ARHGAP31: variants seen among roughly 807,000 people sequenced by gnomAD.
The protein encoded by ARHGAP31 is rho GTPase-activating protein 31.
Under a neutral mutation model 113.9 loss-of-function variants are expected in ARHGAP31, and 34 were observed. The ratio of observed to expected loss-of-function variants is 0.30; its 90% CI spans 0.23 to 0.40. ARHGAP31 has a LOEUF of 0.40. Among genes scored for constraint, ARHGAP31 ranks in the 10% least tolerant of loss-of-function variants. The probability of loss-of-function intolerance (pLI) is 1.00; values close to 1 mark genes in which losing one functional copy is unlikely to be tolerated. For synonymous variants in ARHGAP31, 650 were observed against 684.8 expected, an observed-to-expected ratio of 0.95 and a Z score of 0.79; for missense variants, 1,548 against 1,767.1, an observed-to-expected ratio of 0.88 and a Z score of 2.22.
intron 1 of ARHGAP31, among the ~76,000 whole-genome samples, chr3:119,351,505 C>A (rs2080110438): frequency 6.6e-6 from 1 of 152,120 alleles, no homozygotes; most frequent in Non-Finnish European, 1.5e-5. Flanking sequence ...AGAATGTTAG[C>A]TTCCCATCTG....
intron 3 of ARHGAP31, among the ~76,000 whole-genome samples, chr3:119,375,931 A>G (rs1300349466): frequency 2.0e-5 from 3 of 152,142 alleles, no homozygotes; most frequent in Admixed American, 2.0e-4. Flanking sequence ...AACTCACTGT[A>G]ACTTCAAACT....
rs1216808214 is a variant in ARHGAP31, at chr3:119,323,624, C to T, written c.100+28620C>T. Among the ~76,000 whole-genome samples the T allele has an allele frequency of 3.3e-5, 5 of 152,066 alleles. No homozygotes were observed. In the East Asian group the frequency reaches 9.6e-4, roughly 29 times the overall value. Reference sequence around the variant, plus strand: ...TTGCCTCACCTGACATACTGTCTCACCTGAGAGAGGGAGGCCGAAGAGGCA... The same window carrying T: ...TTGCCTCACCTGACATACTGTCTCATCTGAGAGAGGGAGGCCGAAGAGGCA... On this transcript the variant is annotated intron_variant, in intron 1 of 11. Coordinates refer to ENST00000264245, the MANE Select transcript of ARHGAP31 (RefSeq NM_020754.4).
chr3:119,294,849 C>A lies in ARHGAP31; in HGVS notation c.-56C>A, dbSNP rs1163093478. 2.7e-6 allele frequency: 4 copies of A among 1,508,410 alleles called. No homozygotes were observed. Among genetic ancestry groups the A allele is most frequent in the East Asian group, 2.3e-5 (1 of 44,348 alleles). The allele number at this position is 1,508,410 out of a possible 1,614,324, so 93.4% of individuals were successfully genotyped here. A position where few individuals can be genotyped will look rare whatever the true frequency, so the allele number is the denominator to read the frequency against. ...TCTAGCCCGGGAGCCCATCTTACAGCGGTGCCAAGCAGAGGGGCGGCAGAG... is the reference window on the plus strand; with the variant it reads ...TCTAGCCCGGGAGCCCATCTTACAGAGGTGCCAAGCAGAGGGGCGGCAGAG... On this transcript the variant is annotated 5_prime_UTR_variant, in exon 1 of 12. Transcript: ENST00000264245.
intron 1 of ARHGAP31, chr3:119,322,598 C>A: frequency 6.5e-6 from 1 of 153,388 alleles, no homozygotes. Context: ...TGCCACCTCC[C>A]ACCTCAGCCT....
At position 119,344,045 on chromosome 3, in the gene ARHGAP31, C is replaced by T. The variant is rs575980079; in HGVS notation, c.101-21271C>T. 1.6e-4 allele frequency among the ~76,000 whole-genome samples: 20 copies of T among 125,196 alleles called. No individual in the cohort carries two copies. In the South Asian group the frequency reaches 4.7e-3, roughly 29 times the overall value. The allele number at this position is 125,196 out of a possible 152,430, so 82.1% of individuals were successfully genotyped here. A position where few individuals can be genotyped will look rare whatever the true frequency, so the allele number is the denominator to read the frequency against. ...ACTGAGAGGGAGCACTGCTGCTGGC[C>T]GGGGGCGCAAAGAGTGGGAAAGGAA... is the stretch of plus-strand genomic sequence containing the variant. On this transcript the variant is annotated intron_variant, in intron 1 of 11. Transcript: ENST00000264245.
chr3:119,381,007 A>G (rs1393644129), intron 4 of ARHGAP31, 21 bp downstream of exon 4: 2 of 1,602,586 alleles, frequency 1.2e-6, no homozygotes, highest in African/African-American at 2.7e-5. Context: ...TTGGGAAAAG[A>G]AACGTGTGGC....
intron 1 of ARHGAP31, among the ~76,000 whole-genome samples, chr3:119,301,251 G>A (rs1462985752): frequency 6.6e-6 from 1 of 152,204 alleles, no homozygotes; most frequent in Non-Finnish European, 1.5e-5. Flanking sequence ...CCGCCATCCA[G>A]ATGCCTTCCA....
At chr3:119,393,143 C>A (rs1403638881) in intron 7 of ARHGAP31, among the ~76,000 whole-genome samples, 1 of 152,076 alleles carries the variant, frequency 6.6e-6, no homozygotes, top group East Asian at 1.9e-4. Flanking sequence ...ATCAGAATTC[C>A]CAGAATTGTG....
At chr3:119,316,056 C>G (rs1372959511) in intron 1 of ARHGAP31, among the ~76,000 whole-genome samples, 1 of 152,200 alleles carries the variant, frequency 6.6e-6, no homozygotes, top group African/African-American at 2.4e-5. Context: ...GCCTTTACTA[C>G]TACCTCCCTA....
chr3:119,294,497 T>C lies in ARHGAP31; in HGVS notation c.-408T>C, dbSNP rs2079514348. On this transcript the variant is annotated 5_prime_UTR_variant, in exon 1 of 12. Coordinates refer to ENST00000264245, the MANE Select transcript of ARHGAP31 (RefSeq NM_020754.4). Reference sequence around the variant, plus strand: ...GGACCCACCGCAGCCCCCTGGGCAGTCTCCTCGCCCCGCGTCCGCGTCGTC... The same window carrying C: ...GGACCCACCGCAGCCCCCTGGGCAGCCTCCTCGCCCCGCGTCCGCGTCGTC... 4.4e-6 allele frequency: 2 copies of C among 452,428 alleles called. No homozygotes were observed. The highest frequency in any genetic ancestry group is 7.6e-6 in the Non-Finnish European group (2 of 262,836). The allele number at this position is 452,428 out of a possible 1,614,324, so 28.0% of individuals were successfully genotyped here.
chr3:119,363,860 C>T (rs2080231046), intron 1 of ARHGAP31, among the ~76,000 whole-genome samples: 1 of 152,170 alleles, frequency 6.6e-6, no homozygotes, highest in South Asian at 2.1e-4. Flanking sequence ...TCCCACATCA[C>T]TGTGGCAGCC....
intron 1 of ARHGAP31, among the ~76,000 whole-genome samples, chr3:119,301,234 G>T (rs7627301): frequency 2.0e-5 from 3 of 152,182 alleles, no homozygotes; most frequent in South Asian, 2.1e-4. Flanking sequence ...CTTTCTACCC[G>T]CACTGGCCGC....
intron 9 of ARHGAP31, among the ~76,000 whole-genome samples, chr3:119,401,505 A>G (rs1398752400): frequency 1.3e-5 from 2 of 152,186 alleles, no homozygotes; most frequent in Admixed American, 6.5e-5. Flanking sequence ...TTTAATGCCT[A>G]GTAGATGATG....
chr3:119,368,962 G>A (rs76418845), intron 3 of ARHGAP31, among the ~76,000 whole-genome samples: 2,614 of 152,238 alleles, frequency 0.017, 47 homozygotes, highest in East Asian at 0.061. Flanking sequence ...AGAGAGGGGA[G>A]AGGGAACAAA....
At chr3:119,334,424 T>A (rs954684370) in intron 1 of ARHGAP31, among the ~76,000 whole-genome samples, 1 of 152,222 alleles carries the variant, frequency 6.6e-6, no homozygotes, top group African/African-American at 2.4e-5. Flanking sequence ...ATAGTAGCTC[T>A]CAGCTCCCTG....
chr3:119,368,813 G>GTA (rs2080271735), intron 3 of ARHGAP31, among the ~76,000 whole-genome samples: 1 of 152,208 alleles, frequency 6.6e-6, no homozygotes, highest in South Asian at 2.1e-4. Context: ...AACCCCAGAA[G>GTA]TAAAGTGTCT....
rs1268907017 is a variant in ARHGAP31, at chr3:119,382,325, T to C, written c.465T>C (p.His155=). 12 of 1,614,012 alleles carry C rather than the reference T, an allele frequency of 7.4e-6. No individual in the cohort carries two copies. The highest frequency in any genetic ancestry group is 2.2e-5 in the East Asian group (1 of 44,888). The change falls in exon 5 of 12, where the codon CAT becomes CAC. Residue 155 remains histidine, a synonymous_variant. Coordinates refer to ENST00000264245, the MANE Select transcript of ARHGAP31 (RefSeq NM_020754.4). ...AATACCTGATTCGACACCTGGCCCATATCGCCTCCTTCAGCAGCAAGACCA... is the reference window on the plus strand; with the variant it reads ...AATACCTGATTCGACACCTGGCCCACATCGCCTCCTTCAGCAGCAAGACCA... The part of the protein sequence containing the change: ...TLEYLIRHLA[H]IASFSSKTNM...
chr3:119,377,060 C>A (rs990416180), intron 3 of ARHGAP31, among the ~76,000 whole-genome samples: 6 of 152,166 alleles, frequency 3.9e-5, no homozygotes, highest in Non-Finnish European at 4.4e-5. Context: ...GGAAGTGTGG[C>A]CCAAATGTGG....
At chr3:119,404,840 C>T (rs965809565) in intron 10 of ARHGAP31, among the ~76,000 whole-genome samples, 3 of 152,184 alleles carry the variant, frequency 2.0e-5, no homozygotes, top group Non-Finnish European at 4.4e-5. Context: ...GGTTGATTAT[C>T]TGACTTTTAC....
Sources: gnomAD v4.1 joint callset for allele counts (sites outside exome capture counted in the v4.1 genomes callset) on GRCh38, gnomAD v4.1.1 for gene constraint, MANE v1.5 for transcripts, NCBI Gene and HGNC (gene_info 2026-07-23, HGNC 2026-07-21) for gene names.